CPED1: variants seen among roughly 807,000 people sequenced by gnomAD.
CPED1 encodes cadherin-like and PC-esterase domain-containing protein 1.
In CPED1, 114 loss-of-function variants were observed where a neutral mutation model predicts 128.2. That is an observed-to-expected ratio of 0.89 (90% CI 0.76 to 1.04). The LOEUF is 1.04. CPED1 is among the 50% of genes least tolerant of loss of function. The probability of loss-of-function intolerance (pLI) is 0.00; values close to 1 mark genes in which losing one functional copy is unlikely to be tolerated. For missense variants in CPED1, 1,211 were observed against 1,207.1 expected, an observed-to-expected ratio of 1.00 and a Z score of -0.05; for synonymous variants, 462 against 426.7, an observed-to-expected ratio of 1.08 and a Z score of -1.02.
At chr7:121,169,634 G>C (rs568074399) in intron 16 of CPED1, among the ~76,000 whole-genome samples, 1 of 152,222 alleles carries the variant, frequency 6.6e-6, no homozygotes, top group East Asian at 1.9e-4. Flanking sequence ...TTTGCCACTC[G>C]TGTATCCCAG....
chr7:121,111,172 T>C lies in CPED1; in HGVS notation c.918+11078T>C, dbSNP rs577062445. On this transcript the variant is annotated intron_variant, in intron 7 of 22. Coordinates refer to ENST00000310396, the MANE Select transcript of CPED1 (RefSeq NM_024913.5). The stretch of plus-strand genomic sequence containing the variant: ...CTGTTGAGGCTGGTTCTTACTCATC[T>C]ACCTCTTCTCAGCCCTTGGTTGCTC... Among the ~76,000 whole-genome samples the C allele has an allele frequency of 6.6e-5, 10 of 152,322 alleles. No individual in the cohort carries two copies. In the East Asian group the frequency reaches 1.9e-3, roughly 29 times the overall value.
At chr7:120,999,297 G>A (rs1184125452) in intron 2 of CPED1, among the ~76,000 whole-genome samples, 2 of 152,010 alleles carry the variant, frequency 1.3e-5, no homozygotes, top group African/African-American at 4.8e-5. Context: ...CATTAAAGTT[G>A]ATTAATTATC....
chr7:121,044,890 G>A (rs1793153815), intron 3 of CPED1, among the ~76,000 whole-genome samples: 1 of 151,996 alleles, frequency 6.6e-6, no homozygotes, highest in South Asian at 2.1e-4. Context: ...CCAAAACACT[G>A]CAGGTCATGA....
intron 3 of CPED1, among the ~76,000 whole-genome samples, chr7:121,021,984 G>C (rs375937352): frequency 6.6e-6 from 1 of 151,716 alleles, no homozygotes; most frequent in African/African-American, 2.4e-5. Context: ...CTCATTAGAA[G>C]GTCTGGGTTG....
At chr7:121,074,115 C>A (rs1180559102) in intron 5 of CPED1, among the ~76,000 whole-genome samples, 1 of 152,058 alleles carries the variant, frequency 6.6e-6, no homozygotes, top group Non-Finnish European at 1.5e-5. Flanking sequence ...GATTTAGAGG[C>A]TGAATTAGAG....
rs557222100 is a variant in CPED1 at position 121,295,384 on chromosome 7, G to C, written c.2869-56G>C. On this transcript the variant is annotated intron_variant, in intron 22 of 22. Coordinates refer to ENST00000310396, the MANE Select transcript of CPED1 (RefSeq NM_024913.5). The stretch of plus-strand genomic sequence containing the variant: ...ATGTTCAAGTTTGAGAGTTAGTTAT[G>C]CAGGGATTGGATATTCTTGATTTTG... The C allele has an allele frequency of 9.1e-5, 140 of 1,544,182 alleles. 1 individual carries two copies. The African/African-American group carries it at 1.9e-3, about 21-fold the overall frequency.
intron 5 of CPED1, among the ~76,000 whole-genome samples, chr7:121,088,274 C>T (rs976770517): frequency 8.5e-5 from 13 of 152,052 alleles, no homozygotes; most frequent in South Asian, 2.1e-4. Context: ...ATAATTCATA[C>T]GTATGTATAT....
At chr7:121,186,833 T>G (rs1000284356) in intron 16 of CPED1, among the ~76,000 whole-genome samples, 11 of 152,174 alleles carry the variant, frequency 7.2e-5, no homozygotes, top group African/African-American at 2.7e-4. Context: ...CTTGACCCAG[T>G]TTCTCAAGAG....
At chr7:121,051,267 T>A in intron 4 of CPED1, 1 of 466,464 alleles carries the variant, frequency 2.1e-6, no homozygotes, top group East Asian at 6.2e-5. Context: ...TCCAGAGGAA[T>A]ATTTTTACCA....
intron 16 of CPED1, among the ~76,000 whole-genome samples, chr7:121,199,673 C>CAAAAAAAAAAAAAAAA (rs1160203035): frequency 8.1e-5 from 7 of 86,942 alleles, no homozygotes; most frequent in African/African-American, 3.2e-4. Flanking sequence ...GAGACTCCAT[C>CAAAAAAAAAAAAAAAA]AAAAAAAAAA....
At chr7:120,990,347 C>A (rs1796290208) in intron 2 of CPED1, among the ~76,000 whole-genome samples, 1 of 152,012 alleles carries the variant, frequency 6.6e-6, no homozygotes, top group Non-Finnish European at 1.5e-5. Flanking sequence ...TAATTGGTGA[C>A]CACATTTCTA....
At chr7:121,135,289 T>C (rs1257658216) in intron 13 of CPED1, among the ~76,000 whole-genome samples, 1 of 152,088 alleles carries the variant, frequency 6.6e-6, no homozygotes, top group Non-Finnish European at 1.5e-5. Flanking sequence ...ATGTCAATAA[T>C]ATTTTTTTTT....
intron 16 of CPED1, among the ~76,000 whole-genome samples, chr7:121,201,528 GAAGGAAGGAAGA>G (rs1032136598): frequency 2.2e-4 from 33 of 151,632 alleles, no homozygotes; most frequent in South Asian, 8.3e-4. Context: ...GAGAGGAAAG[GAAGGAAGGAAGA>G]AAGGAAGGAA....
chr7:121,268,332 T>G (rs908819088), intron 21 of CPED1, among the ~76,000 whole-genome samples: 1 of 152,050 alleles, frequency 6.6e-6, no homozygotes, highest in Non-Finnish European at 1.5e-5. Context: ...TATACTTAGG[T>G]TACAGTTCAG....
At chr7:121,005,152 T>C (rs1027222268) in intron 2 of CPED1, among the ~76,000 whole-genome samples, 2 of 152,240 alleles carry the variant, frequency 1.3e-5, no homozygotes, top group African/African-American at 2.4e-5. Context: ...ATTGTTTAAC[T>C]CCTGCTTATG....
chr7:121,107,709 CACTTTT>C (rs1374221569), intron 7 of CPED1, among the ~76,000 whole-genome samples: 31 of 152,098 alleles, frequency 2.0e-4, no homozygotes, highest in Admixed American at 5.2e-4. Flanking sequence ...ATGATTTTTA[CACTTTT>C]ACTTTGGGTA....
At chr7:121,117,100 A>ATAT (rs1450957943) in intron 7 of CPED1, among the ~76,000 whole-genome samples, 6 of 70,628 alleles carry the variant, frequency 8.5e-5, no homozygotes, top group African/African-American at 2.4e-4. Context: ...TATATATATA[A>ATAT]ATATATATAT....
chr7:121,115,439 C>T (rs1795214436), intron 7 of CPED1, among the ~76,000 whole-genome samples: 1 of 152,032 alleles, frequency 6.6e-6, no homozygotes, highest in Non-Finnish European at 1.5e-5. Context: ...ATTGTACAAC[C>T]AGAACTGATT....
chr7:121,152,910 A>C (rs2116406442), intron 16 of CPED1, among the ~76,000 whole-genome samples: 1 of 152,286 alleles, frequency 6.6e-6, no homozygotes, highest in South Asian at 2.1e-4. Context: ...AATTGAGTGT[A>C]AATTTTGCCT....
Sources: gnomAD v4.1 joint callset for allele counts (sites outside exome capture counted in the v4.1 genomes callset) on GRCh38, gnomAD v4.1.1 for gene constraint, MANE v1.5 for transcripts, NCBI Gene and HGNC (gene_info 2026-07-23, HGNC 2026-07-21) for gene names.